The following TTC39B variants were observed in gnomAD, a reference collection of about 807,000 sequenced individuals.
TTC39B encodes tetratricopeptide repeat protein 39B.
Under a neutral mutation model 96.6 loss-of-function variants are expected in TTC39B, and 92 were observed. That is an observed-to-expected ratio of 0.95 (90% CI 0.80 to 1.13). The LOEUF (loss-of-function observed/expected upper bound fraction) is 1.13, where lower values mean the gene tolerates loss of function less well. Among genes scored for constraint, TTC39B ranks in the 50% most tolerant of loss-of-function variants. TTC39B has a pLI of 0.00. For missense variants in TTC39B, 955 were observed against 809.3 expected (o/e 1.18, Z -2.18); for synonymous variants, 367 against 299.4 (o/e 1.23, Z -2.33).
chr9:15,182,565 T>C (rs954994930), intron 16 of TTC39B, 150 bp from the exon 17 acceptor site: 6 of 500,520 alleles, frequency 1.2e-5, no homozygotes, highest in Admixed American at 7.9e-5. Flanking sequence ...TTGCCTTTTA[T>C]ACTGTGAAGC....
At chr9:15,217,853 A>G (rs1297407803) in intron 3 of TTC39B, among the ~76,000 whole-genome samples, 1 of 152,052 alleles carries the variant, frequency 6.6e-6, no homozygotes, top group African/African-American at 2.4e-5. Flanking sequence ...TACCACATGA[A>G]CTGGAAATTG....
At position 15,243,102 on chromosome 9, in the gene TTC39B, C is replaced by A. The variant is rs1346793203; in HGVS notation, c.276-17090G>T. ...TGGGGCCCTCTACCAGGCAGCAGTCCCCAGACAGGGGCCATCTGTACACCA... is the reference window on the plus strand; with the variant it reads ...TGGGGCCCTCTACCAGGCAGCAGTCACCAGACAGGGGCCATCTGTACACCA... On this transcript the variant is annotated intron_variant, in intron 2 of 19. Coordinates refer to ENST00000512701, the Ensembl canonical transcript of TTC39B. Among the ~76,000 whole-genome samples, 5 of 152,248 alleles carry A rather than the reference C, an allele frequency of 3.3e-5. No individual in the cohort carries two copies. In the East Asian group the frequency reaches 9.7e-4, roughly 29 times the overall value.
intron 1 of TTC39B, among the ~76,000 whole-genome samples, chr9:15,271,402 A>T (rs955950729): frequency 4.6e-5 from 7 of 152,212 alleles, no homozygotes; most frequent in African/African-American, 1.7e-4. Flanking sequence ...GGCACCAGGG[A>T]CTGGTTTCAT....
intron 16 of TTC39B, among the ~76,000 whole-genome samples, chr9:15,183,893 G>A (rs559844500): frequency 2.6e-5 from 4 of 152,230 alleles, no homozygotes; most frequent in African/African-American, 9.6e-5. Flanking sequence ...TCACAGAATG[G>A]GCCTGTCTGA....
chr9:15,229,388 G>T (rs1321520542), intron 2 of TTC39B, among the ~76,000 whole-genome samples: 1 of 152,160 alleles, frequency 6.6e-6, no homozygotes, highest in East Asian at 1.9e-4. Flanking sequence ...TATATATCTT[G>T]TTTGGCTTGC....
intron 1 of TTC39B, among the ~76,000 whole-genome samples, chr9:15,292,228 G>A (rs1055936073): frequency 3.9e-5 from 6 of 152,092 alleles, no homozygotes; most frequent in Non-Finnish European, 7.4e-5. Context: ...GACAAAAGCC[G>A]TGTAACTACA....
At chr9:15,208,403 T>C (rs1031090926) in intron 6 of TTC39B, among the ~76,000 whole-genome samples, 10 of 151,752 alleles carry the variant, frequency 6.6e-5, no homozygotes, top group African/African-American at 2.4e-4. Flanking sequence ...ATCTCAAATA[T>C]CAGCCTTCAT....
At chr9:15,245,536 A>G (rs929139794) in intron 2 of TTC39B, among the ~76,000 whole-genome samples, 1 of 152,156 alleles carries the variant, frequency 6.6e-6, no homozygotes, top group Non-Finnish European at 1.5e-5. Flanking sequence ...AGCTAATATT[A>G]AGGAGGGGTG....
intron 2 of TTC39B, among the ~76,000 whole-genome samples, chr9:15,251,512 AGT>A (rs1822537193): frequency 2.6e-5 from 4 of 151,910 alleles, no homozygotes; most frequent in African/African-American, 9.7e-5. Context: ...CGGTGAGCTG[AGT>A]AGCGCCATTG....
Position 15,182,417 on chromosome 9 carries a change from T to C in TTC39B, c.1615-2A>G, listed in dbSNP as rs1818296804. 7 of 1,599,708 alleles carry C rather than the reference T, an allele frequency of 4.4e-6. No individual in the cohort carries two copies. The highest frequency in any genetic ancestry group is 6.0e-6 in the Non-Finnish European group (7 of 1,171,144). On this transcript the variant is annotated splice_acceptor_variant, in intron 16 of 19. Transcript: ENST00000512701. LOFTEE classifies it high-confidence loss of function. Reference sequence around the variant, plus strand: ...ACCATTCCAGACATACATCATTTCCTAATGAGGAAAAATGAAAACCATTTG... The same window carrying C: ...ACCATTCCAGACATACATCATTTCCCAATGAGGAAAAATGAAAACCATTTG...
chr9:15,294,159 C>T (rs990321056), intron 1 of TTC39B, among the ~76,000 whole-genome samples: 11 of 151,934 alleles, frequency 7.2e-5, no homozygotes, highest in Admixed American at 1.3e-4. Context: ...AGAGGCAAGG[C>T]GAAAATGGAC....
At chr9:15,293,462 G>T (rs561040612) in intron 1 of TTC39B, among the ~76,000 whole-genome samples, 8 of 152,268 alleles carry the variant, frequency 5.3e-5, no homozygotes, top group African/African-American at 1.9e-4. Context: ...GGGAAGAAAT[G>T]ACCACCTTTT....
chr9:15,300,038 C>A (rs1169249434), intron 1 of TTC39B, among the ~76,000 whole-genome samples: 1 of 152,164 alleles, frequency 6.6e-6, no homozygotes, highest in African/African-American at 2.4e-5. Context: ...TTAACCTGAG[C>A]TGGAGTTGGG....
chr9:15,290,015 C>T (rs576074445), intron 1 of TTC39B, among the ~76,000 whole-genome samples: 40 of 152,128 alleles, frequency 2.6e-4, no homozygotes, highest in Non-Finnish European at 5.0e-4. Context: ...ATTTGTGACA[C>T]CTAACACTTG....
intron 1 of TTC39B, among the ~76,000 whole-genome samples, chr9:15,300,141 T>G (rs1230524856): frequency 1.3e-5 from 2 of 152,168 alleles, no homozygotes; most frequent in Non-Finnish European, 2.9e-5. Flanking sequence ...CATACCCTCA[T>G]GAACAAATGG....
chr9:15,242,518 G>A (rs1822091104), intron 2 of TTC39B, among the ~76,000 whole-genome samples: 1 of 152,120 alleles, frequency 6.6e-6, no homozygotes, highest in Non-Finnish European at 1.5e-5. Context: ...GGACGGTTGA[G>A]GCTGCAGTGA....
chr9:15,187,709 C>T (rs1242289598), intron 14 of TTC39B, among the ~76,000 whole-genome samples: 1 of 152,252 alleles, frequency 6.6e-6, no homozygotes, highest in Non-Finnish European at 1.5e-5. Context: ...ATCTTCCTGC[C>T]TTAGCCTCCC....
chr9:15,206,872 T>A (rs150374696), intron 6 of TTC39B, among the ~76,000 whole-genome samples: 9 of 152,260 alleles, frequency 5.9e-5, no homozygotes, highest in African/African-American at 2.2e-4. Flanking sequence ...CCAAATCTCA[T>A]CTTGAATTGT....
chr9:15,183,462 TACA>T (rs2118647023), intron 16 of TTC39B: 23 of 174,614 alleles, frequency 1.3e-4, no homozygotes, highest in Middle Eastern at 7.5e-4. Flanking sequence ...AATTCCTAGG[TACA>T]AAAAAAAAAA....
Sources: allele counts gnomAD v4.1 joint callset (sites outside exome capture counted in the v4.1 genomes callset), GRCh38; gene constraint gnomAD v4.1.1; transcripts MANE v1.5; gene names NCBI Gene and HGNC (gene_info 2026-07-23, HGNC 2026-07-21).